The following WLS variants were observed in gnomAD, a reference collection of about 807,000 sequenced individuals.
WLS encodes Wnt ligand secretion mediator.
A neutral mutation model predicts 62.8 loss-of-function variants in WLS; 23 were observed. That is an observed-to-expected ratio of 0.37 (90% CI 0.26 to 0.52). The LOEUF is 0.52. Among genes scored for constraint, WLS ranks in the 20% least tolerant of loss-of-function variants. WLS has a pLI of 0.92. For missense variants in WLS, 615 were observed against 697.3 expected, an observed-to-expected ratio of 0.88 and a Z score of 1.33; for synonymous variants, 246 against 244.1, an observed-to-expected ratio of 1.01 and a Z score of -0.07.
At chr1:68,180,624 C>T (rs1410049225) in intron 2 of WLS, among the ~76,000 whole-genome samples, 1 of 152,204 alleles carries the variant, frequency 6.6e-6, no homozygotes, top group Non-Finnish European at 1.5e-5. Flanking sequence ...TCCACATTTT[C>T]ACCACCTGTT....
chr1:68,170,925 A>T (rs1647144520), intron 2 of WLS, among the ~76,000 whole-genome samples: 1 of 152,236 alleles, frequency 6.6e-6, no homozygotes, highest in Admixed American at 6.5e-5. Flanking sequence ...AATATTTACC[A>T]AATTAATGAT....
chr1:68,150,104 T>C, intron 6 of WLS, 84 bp downstream of exon 6: 1 of 1,448,266 alleles, frequency 6.9e-7, no homozygotes, highest in East Asian at 2.3e-5. Flanking sequence ...CACTGCTGAC[T>C]AGAGGCAAAG....
intron 5 of WLS, among the ~76,000 whole-genome samples, chr1:68,152,728 G>A (rs1412869203): frequency 6.6e-6 from 1 of 152,178 alleles, no homozygotes; most frequent in Non-Finnish European, 1.5e-5. Flanking sequence ...CAGAAAAAGG[G>A]TATGTGGCTT....
intron 8 of WLS, 97 bp downstream of exon 8, chr1:68,148,039 T>C: frequency 7.9e-7 from 1 of 1,262,886 alleles, no homozygotes; most frequent in South Asian, 1.2e-5. Flanking sequence ...CCTGGCTGAG[T>C]ACATATGGGG....
chr1:68,222,906 T>TG (rs1220341716), intron 1 of WLS, among the ~76,000 whole-genome samples: 14 of 1,484 alleles, frequency 9.4e-3, no homozygotes, highest in Non-Finnish European at 0.019. Flanking sequence ...AGGTGTGGGG[T>TG]GGGGGTGGGG....
intron 1 of WLS, among the ~76,000 whole-genome samples, chr1:68,222,386 A>G (rs10493439): frequency 0.12 from 17,920 of 152,172 alleles, 1,372 homozygotes; most frequent in East Asian, 0.37. Context: ...CTGTTGTTCC[A>G]TAAGGGATTG....
At chr1:68,138,261 C>A in intron 10 of WLS, 1 of 255,444 alleles carries the variant, frequency 3.9e-6, no homozygotes, top group Non-Finnish European at 7.5e-6. Context: ...CACTTATTCA[C>A]AATTATAATT....
At chr1:68,164,984 T>C (rs2419343) in intron 2 of WLS, among the ~76,000 whole-genome samples, 51,945 of 151,942 alleles carry the variant, frequency 0.34, 9,316 homozygotes, top group East Asian at 0.43. Context: ...CTACAACTTC[T>C]CCCCACTTAG....
rs1363584834 is a variant in WLS at position 68,145,861 on chromosome 1, C to A, written c.1278+8G>T. On this transcript the variant is annotated splice_region_variant and intron_variant, in intron 9 of 11. Coordinates refer to ENST00000262348, the MANE Select transcript of WLS (RefSeq NM_024911.7). ...CCAGTTCCAGAACGAGCCAAGAAAT[C>A]TGCCCACCTCATAGTGTAGCCGCCG... The A allele has an allele frequency of 6.2e-7, 1 of 1,613,850 alleles. No individual in the cohort carries two copies. The highest frequency in any genetic ancestry group is 1.3e-5 in the African/African-American group (1 of 75,036).
chr1:68,231,274 G>T (rs995465384), intron 1 of WLS, among the ~76,000 whole-genome samples: 1 of 152,170 alleles, frequency 6.6e-6, no homozygotes, highest in East Asian at 1.9e-4. Flanking sequence ...GGTCCGGGAG[G>T]TGCACGCCAG....
intron 1 of WLS, 64 bp downstream of exon 1, chr1:68,232,130 G>A: frequency 6.2e-7 from 1 of 1,604,794 alleles, no homozygotes; most frequent in East Asian, 2.2e-5. Flanking sequence ...TAGCCCAAGA[G>A]GCAAAGAGGG....
At chr1:68,127,364 CT>C (rs1336913512) in intron 11 of WLS, among the ~76,000 whole-genome samples, 1 of 152,198 alleles carries the variant, frequency 6.6e-6, no homozygotes, top group African/African-American at 2.4e-5. Flanking sequence ...TGTGCATTTC[CT>C]TCTGCCCTCA....
intron 10 of WLS, chr1:68,141,691 AT>A (rs1159443548): frequency 6.6e-6 from 1 of 152,178 alleles, no homozygotes; most frequent in Non-Finnish European, 1.5e-5. Context: ...GTTTTAATAC[AT>A]TCCTTTTACC....
At position 68,144,625 on chromosome 1, in the gene WLS, T is replaced by A. The variant is rs1646729917; in HGVS notation, c.1306A>T (p.Met436Leu). ...GCAGCGCAGGCCAAGGTGATAAGCA[T>A]GAGGAACTTGAACCTAAAAATTAGC... The part of the protein sequence containing the change: ...EGLIFRFKFL[M>L]LITLACAAMT... The change falls in exon 10 of 12, where the codon ATG (methionine) becomes TTG (leucine). Residue 436 changes from methionine (M) to leucine (L), a missense_variant. Physicochemically the swap from Met to Leu is conservative, Grantham distance 15 (BLOSUM62 2). Coordinates refer to ENST00000262348, the MANE Select transcript of WLS (RefSeq NM_024911.7). 1 of 1,613,558 alleles carries A rather than the reference T, an allele frequency of 6.2e-7. No homozygotes were observed. The highest frequency in any genetic ancestry group is 8.5e-7 in the Non-Finnish European group (1 of 1,179,716).
chr1:68,219,302 C>T (rs1026913021), intron 1 of WLS, among the ~76,000 whole-genome samples: 7 of 152,144 alleles, frequency 4.6e-5, no homozygotes, highest in Non-Finnish European at 7.4e-5. Context: ...TGAAACTCTC[C>T]GCTAGTGGTC....
chr1:68,148,721 G>C, intron 6 of WLS, 61 bp from the exon 7 acceptor site: 1 of 1,513,334 alleles, frequency 6.6e-7, no homozygotes, highest in Non-Finnish European at 9.1e-7. Context: ...CAATTCTATG[G>C]GGGAGTCAGC....
intron 2 of WLS, among the ~76,000 whole-genome samples, chr1:68,171,639 C>T (rs2494197): frequency 6.6e-5 from 10 of 151,948 alleles, no homozygotes; most frequent in Admixed American, 1.3e-4. Context: ...GTTAGAATGG[C>T]GATCATTGAA....
At chr1:68,100,777 A>G (rs1032985986) in intron 11 of WLS, 3 of 152,220 alleles carry the variant, frequency 2.0e-5, no homozygotes, top group South Asian at 2.1e-4. Context: ...CATGCCAGGT[A>G]AGAATGAAGT....
intron 11 of WLS, among the ~76,000 whole-genome samples, chr1:68,119,941 G>T (rs1304768095): frequency 6.6e-6 from 1 of 152,198 alleles, no homozygotes; most frequent in African/African-American, 2.4e-5. Context: ...GGGAGGGAAG[G>T]CCAAGGGGTT....
Sources: gnomAD v4.1 joint callset for allele counts (sites outside exome capture counted in the v4.1 genomes callset) on GRCh38, gnomAD v4.1.1 for gene constraint, MANE v1.5 for transcripts, NCBI Gene and HGNC (gene_info 2026-07-23, HGNC 2026-07-21) for gene names.